RABGAP1L: variants seen among roughly 807,000 people sequenced by gnomAD.
RABGAP1L encodes rab GTPase-activating protein 1-like.
RABGAP1L carries 63 observed loss-of-function variants against 137.7 expected under a neutral mutation model. The ratio of observed to expected loss-of-function variants is 0.46; its 90% CI spans 0.37 to 0.56. The LOEUF is 0.56. Ranked by LOEUF, RABGAP1L falls within the 20% of genes least tolerant of loss-of-function variation. RABGAP1L has a pLI of 0.00. For synonymous variants in RABGAP1L, 431 were observed against 433.7 expected (o/e 0.99, Z 0.08); for missense variants, 1,095 against 1,244.0 (o/e 0.88, Z 1.80).
chr1:174,697,964 TTATTTAACAAATTTGGG>T (rs1679385032), intron 15 of RABGAP1L, among the ~76,000 whole-genome samples: 1 of 152,228 alleles, frequency 6.6e-6, no homozygotes, highest in Non-Finnish European at 1.5e-5. Context: ...TCAGGAGATG[TTATTTAACAAATTTGGG>T]TATTTTGTGG....
chr1:174,281,702 G>A (rs1211464478), intron 10 of RABGAP1L, among the ~76,000 whole-genome samples: 1 of 152,192 alleles, frequency 6.6e-6, no homozygotes, highest in East Asian at 1.9e-4. Flanking sequence ...TGGAGTCCAC[G>A]TTCAGAGTTC....
chr1:174,865,362 A>G (rs1651024025), intron 19 of RABGAP1L, among the ~76,000 whole-genome samples: 1 of 152,190 alleles, frequency 6.6e-6, no homozygotes, highest in Non-Finnish European at 1.5e-5. Flanking sequence ...CAGGCAACTT[A>G]TATTAATAGT....
intron 7 of RABGAP1L, among the ~76,000 whole-genome samples, chr1:174,260,752 A>G (rs934151363): frequency 6.6e-6 from 1 of 152,208 alleles, no homozygotes. Flanking sequence ...AAAATACACT[A>G]TTACTAGCAC....
chr1:174,758,562 G>A (rs549508901), intron 18 of RABGAP1L, among the ~76,000 whole-genome samples: 39 of 151,960 alleles, frequency 2.6e-4, no homozygotes, highest in African/African-American at 9.2e-4. Flanking sequence ...TTCCATTCCT[G>A]AGTTACTTCA....
chr1:174,225,195 T>C (rs1162287558), intron 3 of RABGAP1L, among the ~76,000 whole-genome samples: 1 of 152,164 alleles, frequency 6.6e-6, no homozygotes, highest in East Asian at 1.9e-4. Context: ...TGAGATCGTC[T>C]GATGAATTTT....
chr1:174,533,568 A>C (rs568769351), intron 13 of RABGAP1L, among the ~76,000 whole-genome samples: 2 of 151,948 alleles, frequency 1.3e-5, no homozygotes, highest in Admixed American at 1.3e-4. Context: ...TAGTAAATAT[A>C]TTTTCTCTTC....
chr1:174,607,680 T>C (rs1356436594), intron 13 of RABGAP1L, among the ~76,000 whole-genome samples: 2 of 152,222 alleles, frequency 1.3e-5, no homozygotes, highest in Non-Finnish European at 2.9e-5. Context: ...GGAGATTGAA[T>C]ACAATATCAC....
At chr1:174,411,716 T>G (rs1458839131) in intron 13 of RABGAP1L, among the ~76,000 whole-genome samples, 2 of 152,098 alleles carry the variant, frequency 1.3e-5, no homozygotes, top group Non-Finnish European at 2.9e-5. Context: ...TAATTTTTGA[T>G]TTCTGCCTTA....
Position 174,421,966 on chromosome 1 carries a change from G to A in RABGAP1L, c.1710+27821G>A, listed in dbSNP as rs372943440. On this transcript the variant is annotated intron_variant, in intron 13 of 25. Coordinates refer to ENST00000681986, the MANE Select transcript of RABGAP1L (RefSeq NM_001366446.1). Reference sequence around the variant, plus strand: ...GTATTTTTAGTAGAGACAGGGTTTCGCTATATTGGCCAGGCTGGTCTTGAA... The same window carrying A: ...GTATTTTTAGTAGAGACAGGGTTTCACTATATTGGCCAGGCTGGTCTTGAA... Among the ~76,000 whole-genome samples the A allele has an allele frequency of 2.3e-3, 348 of 152,006 alleles. 1 individual carries two copies. The highest frequency in any genetic ancestry group is 5.4e-3 in the South Asian group (26 of 4,812).
At chr1:174,913,750 G>T (rs1660418501) in intron 19 of RABGAP1L, among the ~76,000 whole-genome samples, 1 of 152,118 alleles carries the variant, frequency 6.6e-6, no homozygotes, top group South Asian at 2.1e-4. Flanking sequence ...AGTTTCAATG[G>T]AGTAATTATA....
chr1:174,822,402 A>G (rs1005452995), intron 19 of RABGAP1L, among the ~76,000 whole-genome samples: 2 of 152,240 alleles, frequency 1.3e-5, no homozygotes, highest in African/African-American at 4.8e-5. Flanking sequence ...CCCAGTGAGC[A>G]GGGAACATGT....
intron 13 of RABGAP1L, among the ~76,000 whole-genome samples, chr1:174,595,708 C>A (rs1181894915): frequency 7.4e-6 from 1 of 134,622 alleles, no homozygotes; most frequent in African/African-American, 2.9e-5. Flanking sequence ...GGCAGTCTGC[C>A]CGTTCTCAGA....
Position 174,304,526 on chromosome 1 carries a change from A to G in RABGAP1L, c.1324-460A>G, listed in dbSNP as rs73036669. 2.4e-3 allele frequency among the ~76,000 whole-genome samples: 366 copies of G among 152,222 alleles called. 1 individual carries two copies. Among genetic ancestry groups the G allele is most frequent in the African/African-American group, 7.9e-3 (328 of 41,544 alleles). ...AAATATATCTTTAACAAAAAATATA[A>G]CAACTATATCTGTGGCTACCTATCA... On this transcript the variant is annotated intron_variant, in intron 10 of 25. Coordinates refer to ENST00000681986, the MANE Select transcript of RABGAP1L (RefSeq NM_001366446.1).
chr1:174,635,889 C>G (rs1406122219), intron 13 of RABGAP1L, among the ~76,000 whole-genome samples: 4 of 152,078 alleles, frequency 2.6e-5, no homozygotes, highest in Non-Finnish European at 4.4e-5. Flanking sequence ...TCGCAGCTAT[C>G]AAGAGAAAGA....
At chr1:174,713,084 G>C (rs1261398528) in intron 17 of RABGAP1L, among the ~76,000 whole-genome samples, 1 of 152,136 alleles carries the variant, frequency 6.6e-6, no homozygotes, top group African/African-American at 2.4e-5. Context: ...CCACCCTTCT[G>C]CTCCCAGCAC....
intron 13 of RABGAP1L, among the ~76,000 whole-genome samples, chr1:174,626,418 C>G: frequency 6.6e-6 from 1 of 152,138 alleles, no homozygotes; most frequent in East Asian, 1.9e-4. Context: ...TGACTGCTCT[C>G]GAAATACGCT....
intron 11 of RABGAP1L, among the ~76,000 whole-genome samples, chr1:174,357,242 A>T (rs555091739): frequency 6.6e-6 from 1 of 152,268 alleles, no homozygotes; most frequent in Admixed American, 6.5e-5. Flanking sequence ...ACATCTTCAT[A>T]CTTTCCCAAA....
chr1:174,570,410 A>G (rs1298663803), intron 13 of RABGAP1L, among the ~76,000 whole-genome samples: 1 of 152,232 alleles, frequency 6.6e-6, no homozygotes, highest in Non-Finnish European at 1.5e-5. Context: ...GTGAATTAGC[A>G]CAGGAACAGA....
chr1:174,250,732 C>A, intron 6 of RABGAP1L, 100 bp downstream of exon 6: 1 of 994,308 alleles, frequency 1.0e-6, no homozygotes, highest in South Asian at 2.1e-5. Context: ...CATAAAGCCT[C>A]AAACTGATAA....
Sources: allele counts gnomAD v4.1 joint callset (sites outside exome capture counted in the v4.1 genomes callset), GRCh38; gene constraint gnomAD v4.1.1; transcripts MANE v1.5; gene names NCBI Gene and HGNC (gene_info 2026-07-23, HGNC 2026-07-21).